SMARCC1: variants seen among roughly 807,000 people sequenced by gnomAD.
The protein encoded by SMARCC1 is SWI/SNF related BAF chromatin remodeling complex subunit C1, also known as SWI/SNF complex subunit SMARCC1.
In SMARCC1, 43 loss-of-function variants were observed where a neutral mutation model predicts 147.4. That is an observed-to-expected ratio of 0.29 (90% CI 0.23 to 0.38). SMARCC1 has a LOEUF of 0.38. Among genes scored for constraint, SMARCC1 ranks in the 10% least tolerant of loss-of-function variants. The pLI, the probability that SMARCC1 is intolerant of heterozygous loss-of-function variation, is 1.00. For synonymous variants in SMARCC1, 495 were observed against 484.4 expected (o/e 1.02, Z -0.29); for missense variants, 1,119 against 1,381.1 (o/e 0.81, Z 3.01).
intron 21 of SMARCC1, among the ~76,000 whole-genome samples, chr3:47,659,282 T>TAAAAAAAAAAAAAAAAAAAAA (rs541415627): frequency 2.4e-5 from 3 of 123,292 alleles, no homozygotes; most frequent in Non-Finnish European, 3.5e-5. Flanking sequence ...AAATAAAAAA[T>TAAAAAAAAAAAAAAAAAAAAA]AAAAAAAAAA....
At chr3:47,701,509 G>A in intron 10 of SMARCC1, 107 bp from the exon 11 acceptor site, 1 of 1,088,594 alleles carries the variant, frequency 9.2e-7, no homozygotes, top group Non-Finnish European at 1.4e-6. Flanking sequence ...ATATGCTCAA[G>A]ATCACTTTAA....
chr3:47,778,630 G>C (rs970211506), intron 1 of SMARCC1, among the ~76,000 whole-genome samples: 3 of 151,774 alleles, frequency 2.0e-5, no homozygotes, highest in Non-Finnish European at 2.9e-5. Context: ...TTAATCTTTT[G>C]ATCAAAAAAA....
intron 8 of SMARCC1, among the ~76,000 whole-genome samples, chr3:47,712,687 A>G (rs147360917): frequency 6.6e-6 from 1 of 152,306 alleles, no homozygotes; most frequent in East Asian, 1.9e-4. Context: ...TCCTAATTAG[A>G]GGCAAAGCTT....
At chr3:47,664,232 G>A (rs2106740245) in intron 19 of SMARCC1, among the ~76,000 whole-genome samples, 1 of 149,326 alleles carries the variant, frequency 6.7e-6, no homozygotes. Flanking sequence ...ATACTTAGGA[G>A]GAATAAACAT....
chr3:47,699,722 A>G (rs1273439528), intron 11 of SMARCC1, among the ~76,000 whole-genome samples: 1 of 152,138 alleles, frequency 6.6e-6, no homozygotes, highest in Non-Finnish European at 1.5e-5. Context: ...CTCTGTGTTT[A>G]GTGCCAGATA....
chr3:47,698,828 G>GC (rs1201779844), intron 11 of SMARCC1, among the ~76,000 whole-genome samples: 28 of 152,058 alleles, frequency 1.8e-4, no homozygotes, highest in African/African-American at 6.7e-4. Context: ...AATAACTCAG[G>GC]CCCTGTGGTA....
intron 26 of SMARCC1, among the ~76,000 whole-genome samples, chr3:47,599,996 C>T (rs944707207): frequency 6.6e-6 from 1 of 152,158 alleles, no homozygotes; most frequent in African/African-American, 2.4e-5. Context: ...TATTACCCTA[C>T]ATCTTTATGA....
intron 21 of SMARCC1, among the ~76,000 whole-genome samples, chr3:47,652,740 T>C (rs2033205888): frequency 1.3e-5 from 2 of 152,096 alleles, no homozygotes; most frequent in South Asian, 2.1e-4. Flanking sequence ...AAGTATTTTT[T>C]GTATGCCTAG....
intron 22 of SMARCC1, 29 bp downstream of exon 22, chr3:47,638,696 T>A: frequency 6.4e-7 from 1 of 1,572,232 alleles, no homozygotes; most frequent in Admixed American, 1.7e-5. Context: ...AGGCATGCTA[T>A]CTGTGGTTTT....
chr3:47,694,475 G>C (rs1407634312), intron 11 of SMARCC1, among the ~76,000 whole-genome samples: 1 of 152,036 alleles, frequency 6.6e-6, no homozygotes, highest in East Asian at 1.9e-4. Context: ...TGGTGCGCAT[G>C]TGTAATCCCA....
At chr3:47,655,434 C>A (rs1046045701) in intron 21 of SMARCC1, among the ~76,000 whole-genome samples, 1 of 151,518 alleles carries the variant, frequency 6.6e-6, no homozygotes, top group Non-Finnish European at 1.5e-5. Flanking sequence ...CGGTGGCCCA[C>A]GTCCATAATC....
At chr3:47,601,392 C>T (rs2032383707) in intron 26 of SMARCC1, among the ~76,000 whole-genome samples, 1 of 152,172 alleles carries the variant, frequency 6.6e-6, no homozygotes, top group Non-Finnish European at 1.5e-5. Flanking sequence ...TTTCATCAAT[C>T]CATTTCTAAC....
rs148983806 is a variant in SMARCC1 at position 47,628,798 on chromosome 3, T to C, written c.2646+6392A>G. On this transcript the variant is annotated intron_variant, in intron 24 of 27. Transcript: ENST00000254480. ...CCAGGCTGGTCTTGAACTCCTGACCTCCCTCAAATGATCCGCCCACCTCGG... is the reference window on the plus strand; with the variant it reads ...CCAGGCTGGTCTTGAACTCCTGACCCCCCTCAAATGATCCGCCCACCTCGG... 1.3e-4 allele frequency among the ~76,000 whole-genome samples: 20 copies of C among 152,176 alleles called. No individual in the cohort carries two copies. The East Asian group carries it at 3.9e-3, about 29-fold the overall frequency.
chr3:47,731,620 T>C (rs2034375601), intron 5 of SMARCC1, among the ~76,000 whole-genome samples: 1 of 152,224 alleles, frequency 6.6e-6, no homozygotes, highest in African/African-American at 2.4e-5. Flanking sequence ...CCTTAAAACA[T>C]GGCTGCAGAA....
intron 5 of SMARCC1, among the ~76,000 whole-genome samples, chr3:47,732,894 G>A (rs762601325): frequency 6.6e-6 from 1 of 151,304 alleles, no homozygotes; most frequent in Non-Finnish European, 1.5e-5. Context: ...TGGATCACGA[G>A]GTCAGGAGTT....
At chr3:47,721,221 C>T (rs1213514604) in intron 6 of SMARCC1, among the ~76,000 whole-genome samples, 1 of 152,038 alleles carries the variant, frequency 6.6e-6, no homozygotes, top group Admixed American at 6.6e-5. Context: ...TTTCTGATGT[C>T]CTATAAGCTG....
chr3:47,680,279 G>A (rs957818330), intron 15 of SMARCC1, 158 bp downstream of exon 15: 4 of 627,954 alleles, frequency 6.4e-6, no homozygotes, highest in Non-Finnish European at 1.1e-5. Context: ...ACAATTTCCT[G>A]TGTACCATGG....
chr3:47,721,872 T>C (rs1388648020), intron 6 of SMARCC1, among the ~76,000 whole-genome samples: 1 of 151,776 alleles, frequency 6.6e-6, no homozygotes, highest in East Asian at 1.9e-4. Flanking sequence ...TAAAAGTAAA[T>C]AGCTAGGCAT....
chr3:47,644,246 A>C (rs2033089670), intron 21 of SMARCC1, among the ~76,000 whole-genome samples: 1 of 152,138 alleles, frequency 6.6e-6, no homozygotes, highest in Non-Finnish European at 1.5e-5. Context: ...TTTCGGAGGC[A>C]GGGGTAGGAA....
Sources: gnomAD v4.1 joint callset for allele counts (sites outside exome capture counted in the v4.1 genomes callset) on GRCh38, gnomAD v4.1.1 for gene constraint, MANE v1.5 for transcripts, NCBI Gene and HGNC (gene_info 2026-07-23, HGNC 2026-07-21) for gene names.